The following METTL22 variants were observed in gnomAD, a reference collection of about 807,000 sequenced individuals.
The protein encoded by METTL22 is methyltransferase 22, Kin17 lysine.
METTL22 carries 51 observed loss-of-function variants against 48.4 expected under a neutral mutation model. That is an observed-to-expected ratio of 1.05 (90% CI 0.84 to 1.33). The LOEUF is 1.33. Ranked by LOEUF, METTL22 falls within the 40% of genes most tolerant of loss-of-function variation. The pLI is 0.00. For missense variants in METTL22, 678 were observed against 526.9 expected, an observed-to-expected ratio of 1.29 and a Z score of -2.81; for synonymous variants, 255 against 214.1, an observed-to-expected ratio of 1.19 and a Z score of -1.67.
the METTL22 span, among the ~76,000 whole-genome samples, chr16:8,665,620 C>T: frequency 4.6e-5 from 7 of 152,206 alleles, no homozygotes; most frequent in Non-Finnish European, 1.0e-4. Flanking sequence ...CTTCACAGCA[C>T]GCTCAGTTTG....
downstream of METTL22, among the ~76,000 whole-genome samples, chr16:8,651,897 C>G (rs1254064832): frequency 6.6e-6 from 1 of 152,058 alleles, no homozygotes; most frequent in African/African-American, 2.4e-5. Flanking sequence ...AGCGTTAGGA[C>G]AAATACCTAA....
At chr16:8,626,761 C>CCT (rs2056071667) in intron 2 of METTL22, among the ~76,000 whole-genome samples, 1 of 52,532 alleles carries the variant, frequency 1.9e-5, no homozygotes, top group Non-Finnish European at 3.2e-5. Context: ...GTCCTCTACT[C>CCT]TTTTTTTTTT....
chr16:8,625,664 C>CCATG lies in METTL22; in HGVS notation c.-1_3dup. ...TCCTAGGACTAAGGTGGAGCCTGGGCCATGGTACAGCTGGCTCCTGCGGCA... is the reference window on the plus strand; with the variant it reads ...TCCTAGGACTAAGGTGGAGCCTGGGCCATGCATGGTACAGCTGGCTCCTGCGGCA... On this transcript the variant is annotated 5_prime_UTR_variant, in exon 2 of 11. In the 5' UTR this introduces an upstream ATG that the reference lacks. Transcript: ENST00000381920. The CCATG allele has an allele frequency of 6.2e-7, 1 of 1,614,032 alleles. No homozygotes were observed. The highest frequency in any genetic ancestry group is 1.1e-5 in the South Asian group (1 of 91,088).
rs201872412 is a variant in METTL22 at position 8,635,279 on chromosome 16, G to A, written c.667G>A (p.Ala223Thr). The A allele has an allele frequency of 6.9e-5, 110 of 1,599,862 alleles. No homozygotes were observed. The highest frequency in any genetic ancestry group is 2.7e-4 in the South Asian group (24 of 90,090). ...CGGCACGGGGCTCGCTAGCATCATC[G>A]CAGCCACCATGGCACGGACCGTTTA... ...GAGTGLASII[A>T]ATMARTVYCT... The change falls in exon 5 of 11, where the codon GCA becomes ACA. Residue 223 changes from alanine (A) to threonine (T), a missense_variant. Transcript: ENST00000381920.
At position 8,625,662 on chromosome 16, in the gene METTL22, G is replaced by A. The variant is rs376786976; in HGVS notation, c.-4G>A. 29 of 1,614,062 alleles carry A rather than the reference G, an allele frequency of 1.8e-5. No individual in the cohort carries two copies. Among genetic ancestry groups the A allele is most frequent in the Non-Finnish European group, 2.3e-5 (27 of 1,179,994 alleles). On this transcript the variant is annotated 5_prime_UTR_variant, in exon 2 of 11. Transcript: ENST00000381920. ...TGTCCTAGGACTAAGGTGGAGCCTG[G>A]GCCATGGTACAGCTGGCTCCTGCGG...
rs534923400 is a variant in METTL22, at chr16:8,647,451, T to A, written c.*1308T>A. 3 of 152,364 alleles carry A rather than the reference T, an allele frequency of 2.0e-5. No individual in the cohort carries two copies. The highest frequency in any genetic ancestry group is 2.4e-5 in the African/African-American group (1 of 41,576). The allele number at this position is 152,364 out of a possible 1,614,324, so 9.4% of individuals were successfully genotyped here. A position where few individuals can be genotyped will look rare whatever the true frequency, so the allele number is the denominator to read the frequency against. ...ATGTAAGTTACTAATTAGGTCATTA[T>A]TTCCTATTTGTGAGTGATTTTGCCT... On this transcript the variant is annotated 3_prime_UTR_variant, in exon 11 of 11. Transcript: ENST00000381920.
chr16:8,633,467 A>G (rs1023058108), intron 3 of METTL22, among the ~76,000 whole-genome samples: 2 of 152,190 alleles, frequency 1.3e-5, no homozygotes, highest in African/African-American at 4.8e-5. Context: ...TTAGCCTGGC[A>G]TGGAGGCATG....
At chr16:8,651,010 G>A (rs1220642803), downstream of METTL22, among the ~76,000 whole-genome samples, 1 of 152,032 alleles carries the variant, frequency 6.6e-6, no homozygotes, top group Admixed American at 6.6e-5. Context: ...GACAGAGCGA[G>A]ACTCCGTCTC....
At chr16:8,665,035 G>C in the METTL22 span, among the ~76,000 whole-genome samples, 3 of 152,122 alleles carry the variant, frequency 2.0e-5, no homozygotes, top group Non-Finnish European at 2.9e-5. Flanking sequence ...AGCTGGGTGG[G>C]AGCCCTGATG....
chr16:8,659,284 T>C, the METTL22 span, among the ~76,000 whole-genome samples: 1 of 151,450 alleles, frequency 6.6e-6, no homozygotes, highest in Non-Finnish European at 1.5e-5. Context: ...TGAGCCAAGA[T>C]TGCGCCTCTG....
rs2141702447 is a variant in METTL22 at position 8,628,747 on chromosome 16, A to C, written c.151A>C (p.Lys51Gln). ...CCTTTCAGTTTTCCTGTCCCAATTC[A>C]AGCTTCTATGGAGCCAAGACTCTTG... is the stretch of plus-strand genomic sequence containing the variant. ...VGQPVFLSQFKLLWSQDSWTD... is the reference protein window; with the variant it reads ...VGQPVFLSQFQLLWSQDSWTD... The change falls in exon 3 of 11, where the codon AAG (lysine) becomes CAG (glutamine). Residue 51 changes from lysine (K) to glutamine (Q), a missense_variant. Coordinates refer to ENST00000381920, the MANE Select transcript of METTL22 (RefSeq NM_024109.4). 1 of 1,607,654 alleles carries C rather than the reference A, an allele frequency of 6.2e-7. No homozygotes were observed. Among genetic ancestry groups the C allele is most frequent in the East Asian group, 2.2e-5 (1 of 44,760 alleles).
At chr16:8,643,225 C>T (rs2056679162) in intron 9 of METTL22, among the ~76,000 whole-genome samples, 1 of 152,224 alleles carries the variant, frequency 6.6e-6, no homozygotes, top group Non-Finnish European at 1.5e-5. Context: ...GTGTACAAAG[C>T]TGTATGTACT....
intron 10 of METTL22, 173 bp from the exon 11 acceptor site, chr16:8,645,935 C>G: frequency 7.9e-7 from 1 of 1,264,852 alleles, no homozygotes; most frequent in African/African-American, 3.4e-5. Context: ...AATAGAACAG[C>G]CCAGAGCAAC....
At chr16:8,637,352 A>G (rs988032292) in intron 5 of METTL22, among the ~76,000 whole-genome samples, 28 of 152,220 alleles carry the variant, frequency 1.8e-4, no homozygotes, top group Admixed American at 1.8e-3. Context: ...CTCTTCTCAG[A>G]GTCAAGCCGT....
chr16:8,633,616 G>A (rs2056332140), intron 3 of METTL22, among the ~76,000 whole-genome samples: 1 of 152,142 alleles, frequency 6.6e-6, no homozygotes, highest in Non-Finnish European at 1.5e-5. Flanking sequence ...AAAACAGAAA[G>A]AGACAGAAAA....
the METTL22 span, among the ~76,000 whole-genome samples, chr16:8,656,237 G>A: frequency 6.6e-6 from 1 of 152,176 alleles, no homozygotes; most frequent in Non-Finnish European, 1.5e-5. Context: ...GTGCACCACT[G>A]TTCCTGGCGC....
Position 8,641,200 on chromosome 16 carries a change from G to C in METTL22, c.826+16G>C, listed in dbSNP as rs201377053. 1.0e-4 allele frequency: 163 copies of C among 1,613,432 alleles called. No homozygotes were observed. In the East Asian group the frequency reaches 3.3e-3, roughly 33 times the overall value. The stretch of plus-strand genomic sequence containing the variant: ...CTCTGCACAGGTGTGTGTTTCTCTC[G>C]GACGTCCCCCAGTATGATTCAGTGA... On this transcript the variant is annotated intron_variant, in intron 7 of 10. Coordinates refer to ENST00000381920, the MANE Select transcript of METTL22 (RefSeq NM_024109.4).
the METTL22 span, among the ~76,000 whole-genome samples, chr16:8,662,537 G>A: frequency 6.9e-6 from 1 of 144,500 alleles, no homozygotes; most frequent in African/African-American, 2.6e-5. Flanking sequence ...GTGTTTCTTT[G>A]GAGCGTTTCT....
At chr16:8,641,886 C>T (rs542306177) in intron 7 of METTL22, 11 of 584,220 alleles carry the variant, frequency 1.9e-5, no homozygotes, top group African/African-American at 7.4e-5. Context: ...GGCTGAAATC[C>T]GCCCGCTGCT....
Sources: gnomAD v4.1 joint callset for allele counts (sites outside exome capture counted in the v4.1 genomes callset) on GRCh38, gnomAD v4.1.1 for gene constraint, MANE v1.5 for transcripts, NCBI Gene and HGNC (gene_info 2026-07-23, HGNC 2026-07-21) for gene names.